The following SCN9A variants were observed in gnomAD, a reference collection of about 807,000 sequenced individuals.
SCN9A encodes sodium channel protein type 9 subunit alpha.
SCN9A carries 131 observed loss-of-function variants against 187.0 expected under a neutral mutation model. The ratio of observed to expected loss-of-function variants is 0.70; its 90% CI spans 0.61 to 0.81. The LOEUF (loss-of-function observed/expected upper bound fraction) is 0.81, where lower values mean the gene tolerates loss of function less well. SCN9A is among the 30% of genes least tolerant of loss of function. The pLI is 0.00. For synonymous variants in SCN9A, 809 were observed against 808.6 expected, an observed-to-expected ratio of 1.00 and a Z score of -0.01; for missense variants, 2,252 against 2,396.6, an observed-to-expected ratio of 0.94 and a Z score of 1.26.
In SCN9A at chr2:166,293,380, C is replaced by A. The variant is rs199942413; in HGVS notation, c.966-8G>T. On this transcript the variant is annotated splice_region_variant and splice_polypyrimidine_tract_variant and intron_variant, in intron 8 of 26. Coordinates refer to ENST00000642356, the MANE Select transcript of SCN9A (RefSeq NM_001365536.1). ...TACCCCTCTGGACACTGACTACACA[C>A]GAGAAAGAACATTATAGGTGAGAGT... The A allele has an allele frequency of 2.5e-6, 4 of 1,596,478 alleles. No homozygotes were observed. The highest frequency in any genetic ancestry group is 3.4e-6 in the Non-Finnish European group (4 of 1,170,638).
At chr2:166,316,888 A>G (rs1699123305) in intron 1 of SCN9A, among the ~76,000 whole-genome samples, 1 of 152,142 alleles carries the variant, frequency 6.6e-6, no homozygotes, top group Non-Finnish European at 1.5e-5. Flanking sequence ...GAAAAATTAT[A>G]ATCAATCCAA....
chr2:166,362,724 T>G (rs181183562), intron 1 of SCN9A, among the ~76,000 whole-genome samples: 1 of 151,940 alleles, frequency 6.6e-6, no homozygotes, highest in Admixed American at 6.5e-5. Context: ...ATTAAAATTA[T>G]TAAATTATTA....
intron 1 of SCN9A, among the ~76,000 whole-genome samples, chr2:166,339,823 G>A (rs181976860): frequency 6.6e-6 from 1 of 152,122 alleles, no homozygotes; most frequent in Non-Finnish European, 1.5e-5. Flanking sequence ...GAGAACCTTA[G>A]TGTAGAATAT....
At chr2:166,359,011 T>C (rs1016825642) in intron 1 of SCN9A, among the ~76,000 whole-genome samples, 2 of 152,192 alleles carry the variant, frequency 1.3e-5, no homozygotes, top group Non-Finnish European at 1.5e-5. Flanking sequence ...AACTATTAAA[T>C]AATATTTCTT....
At chr2:166,208,352 G>T (rs565399214) in intron 24 of SCN9A, among the ~76,000 whole-genome samples, 72 of 152,266 alleles carry the variant, frequency 4.7e-4, no homozygotes, top group African/African-American at 1.7e-3. Context: ...ATTTGTGTTT[G>T]CTGAGAAGAT....
chr2:166,284,779 T>G lies in SCN9A; in HGVS notation c.1648A>C (p.Ser550Arg). 3 of 1,613,260 alleles carry G rather than the reference T, an allele frequency of 1.9e-6. No individual in the cohort carries two copies. The highest frequency in any genetic ancestry group is 2.5e-6 in the Non-Finnish European group (3 of 1,179,794). ...RGSLFSARRS[S>R]RTSLFSFKGR... ...TTGAAACTAAAAAGACTTGTTCTGC[T>G]GCTTCGCCTTGCAGAAAACAAGGAG... is the stretch of plus-strand genomic sequence containing the variant. The change falls in exon 12 of 27, where the codon AGC becomes CGC. Residue 550 changes from serine to arginine, a missense_variant. By Grantham distance (110) the Ser-to-Arg change is moderately radical. Transcript: ENST00000642356.
At chr2:166,213,204 C>T (rs951816773) in intron 24 of SCN9A, among the ~76,000 whole-genome samples, 7 of 150,880 alleles carry the variant, frequency 4.6e-5, no homozygotes, top group East Asian at 1.9e-4. Context: ...TTGGTTTTTT[C>T]GAAAGATAAA....
chr2:166,253,755 A>G (rs1696148645), intron 17 of SCN9A, among the ~76,000 whole-genome samples: 3 of 151,758 alleles, frequency 2.0e-5, no homozygotes, highest in Admixed American at 1.3e-4. Context: ...CAGGCCCTTC[A>G]TTTCTGAAAA....
In SCN9A at chr2:166,330,419, ATTGT is replaced by A. The variant is rs547898574; in HGVS notation, c.-50-18617_-50-18614del. ...ATCTCTAATTTACATACATTTTCTCATTGTTTGTTTTTATTTACTAAGCACTATG... is the reference window on the plus strand; with the variant it reads ...ATCTCTAATTTACATACATTTTCTCATTGTTTTTATTTACTAAGCACTATG... On this transcript the variant is annotated intron_variant, in intron 1 of 26. Transcript: ENST00000642356. Among the ~76,000 whole-genome samples the A allele has an allele frequency of 4.5e-4, 68 of 152,180 alleles. 1 individual carries two copies. In the East Asian group the frequency reaches 0.012, roughly 26 times the overall value.
intron 24 of SCN9A, 191 bp from the exon 25 acceptor site, chr2:166,204,655 G>A (rs1693712241): frequency 2.8e-6 from 1 of 358,212 alleles, no homozygotes; most frequent in Admixed American, 4.2e-5. Context: ...TCCAAACACA[G>A]TTAAATGTGC....
At chr2:166,375,236 C>T (rs1250092605) in intron 1 of SCN9A, among the ~76,000 whole-genome samples, 1 of 152,140 alleles carries the variant, frequency 6.6e-6, no homozygotes, top group African/African-American at 2.4e-5. Flanking sequence ...TTTTCTGTCC[C>T]CACAGGTTGT....
chr2:166,324,678 CAT>C (rs1274278456), intron 1 of SCN9A, among the ~76,000 whole-genome samples: 1 of 152,146 alleles, frequency 6.6e-6, no homozygotes, highest in Non-Finnish European at 1.5e-5. Context: ...TGGCCTTTTA[CAT>C]ATGTGATCTT....
At chr2:166,338,281 G>A (rs1369152564) in intron 1 of SCN9A, among the ~76,000 whole-genome samples, 1 of 152,042 alleles carries the variant, frequency 6.6e-6, no homozygotes, top group African/African-American at 2.4e-5. Flanking sequence ...CCACTTACAG[G>A]AGTCACTGCA....
intron 26 of SCN9A, among the ~76,000 whole-genome samples, chr2:166,201,983 GT>G (rs1198529643): frequency 6.6e-6 from 1 of 151,416 alleles, no homozygotes; most frequent in African/African-American, 2.4e-5. Flanking sequence ...TTTAACTTCT[GT>G]TTTTGGCTTA....
At chr2:166,222,930 CAAAAAAAAAAACAACA>C (rs1418075525) in intron 24 of SCN9A, among the ~76,000 whole-genome samples, 38 of 19,538 alleles carry the variant, frequency 1.9e-3, no homozygotes, top group African/African-American at 4.7e-3. Flanking sequence ...AACTCCGTCT[CAAAAAAAAAAACAACA>C]AAAAAAAAAA....
At chr2:166,266,159 T>A (rs556960548) in intron 17 of SCN9A, among the ~76,000 whole-genome samples, 1 of 151,860 alleles carries the variant, frequency 6.6e-6, no homozygotes, top group East Asian at 1.9e-4. Context: ...CATGAAGCTT[T>A]CCCCCTGTTT....
At chr2:166,270,570 CATTTT>C (rs1189615545) in intron 17 of SCN9A, among the ~76,000 whole-genome samples, 1 of 151,414 alleles carries the variant, frequency 6.6e-6, no homozygotes, top group Non-Finnish European at 1.5e-5. Flanking sequence ...AAATATAGAG[CATTTT>C]ATTTTATTTT....
intron 24 of SCN9A, among the ~76,000 whole-genome samples, chr2:166,213,485 A>ATAATAC (rs918282110): frequency 6.8e-6 from 1 of 147,978 alleles, no homozygotes; most frequent in South Asian, 2.1e-4. Context: ...AATAATAATA[A>ATAATAC]TAATAATAAT....
chr2:166,267,039 C>T (rs1188057696), intron 17 of SCN9A, among the ~76,000 whole-genome samples: 1 of 151,686 alleles, frequency 6.6e-6, no homozygotes, highest in African/African-American at 2.4e-5. Context: ...TTTAAATGTC[C>T]TTTATTTCTT....
Sources: allele counts gnomAD v4.1 joint callset (sites outside exome capture counted in the v4.1 genomes callset), GRCh38; gene constraint gnomAD v4.1.1; transcripts MANE v1.5; gene names NCBI Gene and HGNC (gene_info 2026-07-23, HGNC 2026-07-21).